Variants in MYH10 observed in about 807,000 individuals in gnomAD.
MYH10 encodes the protein myosin-10.
A neutral mutation model predicts 257.8 loss-of-function variants in MYH10; 55 were observed. That is an observed-to-expected ratio of 0.21 (90% CI 0.17 to 0.27). The LOEUF (loss-of-function observed/expected upper bound fraction) is 0.27. MYH10 is among the 10% of genes least tolerant of loss of function. The pLI is 1.00. For synonymous variants in MYH10, 854 were observed against 921.7 expected (o/e 0.93, Z 1.33); for missense variants, 1,631 against 2,500.6 (o/e 0.65, Z 7.42).
rs575765633 is a variant in MYH10, at chr17:8,477,326, G to A, written c.5707-278C>T. 4.6e-5 allele frequency among the ~76,000 whole-genome samples: 7 copies of A among 152,236 alleles called. No homozygotes were observed. The highest frequency in any genetic ancestry group is 2.6e-4 in the Admixed American group (4 of 15,304). ...GAGTTTTCTGCAGAAAAATGACAGC[G>A]TTTACTGTCTTCACACACGTGACCT... On this transcript the variant is annotated intron_variant, in intron 41 of 42. Transcript: ENST00000360416. This position sits in a 1 kb window ranked among gnomAD's most constrained non-coding sequence, Gnocchi z 4.2.
intron 3 of MYH10, 32 bp from the exon 4 acceptor site, chr17:8,589,140 G>GA (rs774968375): frequency 1.1e-5 from 17 of 1,605,600 alleles, no homozygotes; most frequent in Non-Finnish European, 1.4e-5. Flanking sequence ...ACAAAAAAAA[G>GA]AAAGTGACCA....
intron 17 of MYH10, among the ~76,000 whole-genome samples, chr17:8,523,521 A>G (rs558001725): frequency 1.3e-5 from 2 of 152,316 alleles, no homozygotes; most frequent in African/African-American, 4.8e-5. Flanking sequence ...AGTCGGTGCA[A>G]TCAGCATATG....
At chr17:8,534,381 T>TC (rs1264723266) in intron 16 of MYH10, among the ~76,000 whole-genome samples, 10 of 151,880 alleles carry the variant, frequency 6.6e-5, no homozygotes, top group Admixed American at 2.6e-4. Flanking sequence ...GTTCAGTGCA[T>TC]CCCCCCCTGC....
Position 8,487,583 on chromosome 17 carries a change from G to A in MYH10, c.4896C>T (p.Leu1632=), listed in dbSNP as rs143902871. The A allele has an allele frequency of 7.2e-5, 116 of 1,613,966 alleles. No individual in the cohort carries two copies. Among genetic ancestry groups the A allele is most frequent in the Non-Finnish European group, 9.2e-5 (109 of 1,180,048 alleles). Residue 1632 remains leucine, a synonymous_variant, in exon 36 of 43, where the codon CTC becomes CTT. Transcript: ENST00000360416. ...TCCTCTCATCCTCCAGCTCCGCCTCGAGCTCCCGCACCTAATGGACAACAT... is the reference window on the plus strand; with the variant it reads ...TCCTCTCATCCTCCAGCTCCGCCTCAAGCTCCCGCACCTAATGGACAACAT... ...KRLLIKQVRE[L]EAELEDERKQ...
intron 32 of MYH10, 30 bp from the exon 33 acceptor site, chr17:8,493,054 C>T (rs777759436): frequency 3.7e-6 from 6 of 1,607,926 alleles, no homozygotes; most frequent in Non-Finnish European, 5.1e-6. Flanking sequence ...AAACAGAAAG[C>T]TCAGTATTAA....
At chr17:8,606,042 AAATG>A (rs2084788555) in intron 2 of MYH10, among the ~76,000 whole-genome samples, 1 of 152,120 alleles carries the variant, frequency 6.6e-6, no homozygotes, top group Non-Finnish European at 1.5e-5. Flanking sequence ...TATTCTTTTT[AAATG>A]AATTAATAAA....
intron 21 of MYH10, among the ~76,000 whole-genome samples, chr17:8,517,962 T>TC (rs1172533546): frequency 6.6e-6 from 1 of 151,880 alleles, no homozygotes; most frequent in African/African-American, 2.4e-5. Context: ...CCTTGAGGTT[T>TC]CAGCCTCAGA....
chr17:8,503,888 G>T (rs182620516), intron 28 of MYH10, among the ~76,000 whole-genome samples: 1 of 152,160 alleles, frequency 6.6e-6, no homozygotes, highest in African/African-American at 2.4e-5. Context: ...GACTCCTGGG[G>T]TGGCCCTGAG....
chr17:8,549,212 G>C (rs910151491), intron 9 of MYH10, among the ~76,000 whole-genome samples: 2 of 152,306 alleles, frequency 1.3e-5, no homozygotes, highest in East Asian at 3.9e-4. Context: ...CAAACACTAT[G>C]AAGTGAATAT....
At chr17:8,547,024 G>A (rs2082467054) in intron 11 of MYH10, among the ~76,000 whole-genome samples, 1 of 151,986 alleles carries the variant, frequency 6.6e-6, no homozygotes, top group African/African-American at 2.4e-5. Context: ...TTTCAACTTG[G>A]GCTGGTTCAC....
At chr17:8,553,087 G>A (rs1246960244) in intron 8 of MYH10, among the ~76,000 whole-genome samples, 2 of 152,200 alleles carry the variant, frequency 1.3e-5, no homozygotes, top group African/African-American at 4.8e-5. Context: ...GTGTCAGATA[G>A]CCTGAATTTT....
intron 2 of MYH10, among the ~76,000 whole-genome samples, 162 bp from the exon 3 acceptor site, chr17:8,605,144 T>C (rs2084749247): frequency 6.6e-6 from 1 of 152,194 alleles, no homozygotes; most frequent in African/African-American, 2.4e-5. Flanking sequence ...AATGGGCAAT[T>C]TAGTACTATG....
At chr17:8,605,852 T>G (rs901799511) in intron 2 of MYH10, among the ~76,000 whole-genome samples, 3 of 152,326 alleles carry the variant, frequency 2.0e-5, no homozygotes, top group African/African-American at 7.2e-5. Context: ...AAATGACATG[T>G]TATAAGAAAA....
At chr17:8,496,688 C>T (rs947880947) in intron 30 of MYH10, among the ~76,000 whole-genome samples, 2 of 152,146 alleles carry the variant, frequency 1.3e-5, no homozygotes, top group Admixed American at 1.3e-4. Context: ...TGTGAGAGCA[C>T]GCACACAATA....
Position 8,554,016 on chromosome 17 carries a change from G to T in MYH10, c.759C>A (p.Gly253=). 1.2e-6 allele frequency: 2 copies of T among 1,611,474 alleles called. No homozygotes were observed. The highest frequency in any genetic ancestry group is 2.2e-5 in the East Asian group (1 of 44,754). The change falls in exon 8 of 43, where the codon GGC becomes GGA. Residue 253 remains glycine, a splice_region_variant and synonymous_variant. Transcript: ENST00000360416. ...TVKNDNSSRF[G]KFIRINFDVT... ...CATCAAAGTTGATCCGAATAAATTTGCCCTGAAAATAAATTAAAAAGAGAA... is the reference window on the plus strand; with the variant it reads ...CATCAAAGTTGATCCGAATAAATTTTCCCTGAAAATAAATTAAAAAGAGAA...
At chr17:8,515,914 C>T (rs1239094571) in intron 21 of MYH10, among the ~76,000 whole-genome samples, 1 of 152,164 alleles carries the variant, frequency 6.6e-6, no homozygotes, top group African/African-American at 2.4e-5. Flanking sequence ...ACTTTTGAAT[C>T]TATTAAGCAT....
intron 40 of MYH10, 107 bp from the exon 41 acceptor site, chr17:8,478,553 G>T: frequency 2.1e-6 from 2 of 970,382 alleles, no homozygotes; most frequent in Non-Finnish European, 3.2e-6. Context: ...CATGGTGGAG[G>T]CATTATGGAC....
chr17:8,606,066 T>C (rs1434854611), intron 2 of MYH10, among the ~76,000 whole-genome samples: 1 of 152,206 alleles, frequency 6.6e-6, no homozygotes, highest in African/African-American at 2.4e-5. Flanking sequence ...AGATTTAAAA[T>C]GTATTTTAAT....
intron 34 of MYH10, among the ~76,000 whole-genome samples, chr17:8,491,844 C>T (rs2151817286): frequency 6.6e-6 from 1 of 152,214 alleles, no homozygotes; most frequent in South Asian, 2.1e-4. Flanking sequence ...GTGGATAAGC[C>T]CCCAAAGCTA....
Sources: allele counts gnomAD v4.1 joint callset (sites outside exome capture counted in the v4.1 genomes callset), GRCh38; gene constraint gnomAD v4.1.1; non-coding constraint Gnocchi (gnomAD v3.1); transcripts MANE v1.5; gene names NCBI Gene and HGNC (gene_info 2026-07-23, HGNC 2026-07-21).